INPP5A: variants seen among roughly 807,000 people sequenced by gnomAD.
INPP5A encodes 43 kDa inositol polyphosphate 5-phophatase.
Under a neutral mutation model 65.2 loss-of-function variants are expected in INPP5A, and 14 were observed. The ratio of observed to expected loss-of-function variants is 0.21; its 90% CI spans 0.14 to 0.34. The LOEUF (loss-of-function observed/expected upper bound fraction) is 0.34, where lower values mean the gene tolerates loss of function less well. Ranked by LOEUF, INPP5A falls within the 10% of genes least tolerant of loss-of-function variation. The pLI, the probability that INPP5A is intolerant of heterozygous loss-of-function variation, is 1.00. For missense variants in INPP5A, 431 were observed against 545.6 expected, an observed-to-expected ratio of 0.79 and a Z score of 2.09; for synonymous variants, 207 against 208.3, an observed-to-expected ratio of 0.99 and a Z score of 0.05.
rs1200349093 is a variant in INPP5A at position 132,626,436 on chromosome 10, G to A, written c.117+18480G>A. On this transcript the variant is annotated intron_variant, in intron 2 of 15. Transcript: ENST00000368594. ...CTGCCCAGGTGAGGTGCCTGGTCACGCCTGCAGCCAGTAGGTGGGAGTCCT... is the reference window on the plus strand; with the variant it reads ...CTGCCCAGGTGAGGTGCCTGGTCACACCTGCAGCCAGTAGGTGGGAGTCCT... Among the ~76,000 whole-genome samples, 14 of 152,188 alleles carry A rather than the reference G, an allele frequency of 9.2e-5. 1 individual carries two copies. The highest frequency in any genetic ancestry group is 9.2e-4 in the Admixed American group (14 of 15,276).
intron 4 of INPP5A, among the ~76,000 whole-genome samples, chr10:132,653,787 C>T (rs1381896556): frequency 6.6e-6 from 1 of 152,240 alleles, no homozygotes; most frequent in Non-Finnish European, 1.5e-5. Context: ...CCAAAATAGT[C>T]TGCACCCGCT....
At chr10:132,766,598 TGAGCATGAGTGA>T (rs1349591195) in intron 12 of INPP5A, among the ~76,000 whole-genome samples, 2 of 152,074 alleles carry the variant, frequency 1.3e-5, no homozygotes, top group Non-Finnish European at 2.9e-5. Flanking sequence ...GTTGCATATG[TGAGCATGAGTGA>T]GAGCATGAGT....
rs1311571244 is a variant in INPP5A at position 132,637,066 on chromosome 10, C to T, written c.118-8802C>T. 1.3e-5 allele frequency among the ~76,000 whole-genome samples: 2 copies of T among 152,122 alleles called. No homozygotes were observed. Among genetic ancestry groups the T allele is most frequent in the African/African-American group, 2.4e-5 (1 of 41,418 alleles). On this transcript the variant is annotated intron_variant, in intron 2 of 15. Transcript: ENST00000368594. The surrounding 1 kb of genome is among the most constrained non-coding windows in gnomAD (Gnocchi z 4.1). ...CCAAGTAGGTAGGACTACAAGCGTGCGCCACCAGGCCCAGCTAATTTTTGC... is the reference window on the plus strand; with the variant it reads ...CCAAGTAGGTAGGACTACAAGCGTGTGCCACCAGGCCCAGCTAATTTTTGC...
At chr10:132,731,363 G>A (rs1431052990) in intron 9 of INPP5A, among the ~76,000 whole-genome samples, 1 of 152,048 alleles carries the variant, frequency 6.6e-6, no homozygotes, top group African/African-American at 2.4e-5. Flanking sequence ...GCCCCTGGGA[G>A]TCACTGCGTC....
At chr10:132,568,378 C>T (rs1300305669) in intron 1 of INPP5A, among the ~76,000 whole-genome samples, 1 of 151,990 alleles carries the variant, frequency 6.6e-6, no homozygotes, top group Non-Finnish European at 1.5e-5. Context: ...CATGAGATAA[C>T]AGAATTATTA....
intron 8 of INPP5A, among the ~76,000 whole-genome samples, chr10:132,723,717 T>G (rs1293510833): frequency 1.3e-5 from 2 of 152,106 alleles, no homozygotes; most frequent in African/African-American, 4.8e-5. Context: ...TGGTATCTTG[T>G]GGTCTCGCCT....
At chr10:132,696,934 G>T (rs181723463) in intron 5 of INPP5A, among the ~76,000 whole-genome samples, 1 of 152,230 alleles carries the variant, frequency 6.6e-6, no homozygotes, top group South Asian at 2.1e-4. Context: ...ATGGTGCTGT[G>T]GTCCTCAGGT....
chr10:132,716,155 G>A (rs528321260), intron 8 of INPP5A, among the ~76,000 whole-genome samples: 5 of 152,320 alleles, frequency 3.3e-5, no homozygotes, highest in East Asian at 3.9e-4. Flanking sequence ...CACCCGCCAC[G>A]CACCCTGCAC....
Position 132,537,787 on chromosome 10 carries a change from A to G in INPP5A, c.-310A>G. On this transcript the variant is annotated 5_prime_UTR_variant, in exon 1 of 16. Transcript: ENST00000368594. ...CCCGGGCTCGGCTCCGCGGGGCGGG[A>G]CTTGCCCTCAGCCTGAGTCGGCGGC... 2.8e-6 allele frequency: 1 copy of G among 361,790 alleles called. No individual in the cohort carries two copies. Among genetic ancestry groups the G allele is most frequent in the Non-Finnish European group, 5.0e-6 (1 of 201,998 alleles). The allele number at this position is 361,790 out of a possible 1,614,324, so 22.4% of individuals were successfully genotyped here.
intron 2 of INPP5A, among the ~76,000 whole-genome samples, chr10:132,609,082 G>A (rs1408007018): frequency 6.6e-6 from 1 of 152,234 alleles, no homozygotes; most frequent in Non-Finnish European, 1.5e-5. Context: ...GTGTGCACGT[G>A]TGTGCGCATG....
rs2072034053 is a variant in INPP5A, at chr10:132,616,398, G to A, written c.117+8442G>A. Among the ~76,000 whole-genome samples the A allele has an allele frequency of 6.6e-6, 1 of 152,142 alleles. No individual in the cohort carries two copies. Among genetic ancestry groups the A allele is most frequent in the South Asian group, 2.1e-4 (1 of 4,826 alleles). ...CCGTGGGCGTGGTGTGAGGTATGTG[G>A]CGTGCGGGGACGCCGTGGGCGTGGT... On this transcript the variant is annotated intron_variant, in intron 2 of 15. Transcript: ENST00000368594. This position sits in a 1 kb window ranked among gnomAD's most constrained non-coding sequence, Gnocchi z 4.9.
At chr10:132,570,993 C>T (rs944576796) in intron 1 of INPP5A, among the ~76,000 whole-genome samples, 2 of 152,240 alleles carry the variant, frequency 1.3e-5, no homozygotes, top group African/African-American at 2.4e-5. Context: ...ACGAGGCACT[C>T]CCTCCCCACC....
intron 1 of INPP5A, among the ~76,000 whole-genome samples, chr10:132,588,210 A>G (rs776950515): frequency 6.6e-6 from 1 of 152,206 alleles, no homozygotes; most frequent in Non-Finnish European, 1.5e-5. Flanking sequence ...TTTCTGAATT[A>G]TCTCTCATCA....
At chr10:132,581,531 C>T (rs1422327442) in intron 1 of INPP5A, among the ~76,000 whole-genome samples, 2 of 152,176 alleles carry the variant, frequency 1.3e-5, no homozygotes, top group African/African-American at 4.8e-5. Context: ...CTTGACTGCT[C>T]CTCACCCTTC....
At chr10:132,781,332 G>C (rs1015419511) in intron 14 of INPP5A, among the ~76,000 whole-genome samples, 1 of 152,238 alleles carries the variant, frequency 6.6e-6, no homozygotes, top group Non-Finnish European at 1.5e-5. Context: ...TCCCCACCGT[G>C]TGCCAAGGGG....
At chr10:132,626,165 A>G (rs2072181388) in intron 2 of INPP5A, among the ~76,000 whole-genome samples, 1 of 152,116 alleles carries the variant, frequency 6.6e-6, no homozygotes, top group African/African-American at 2.4e-5. Context: ...CCGTGTTGTC[A>G]CACACTGTGG....
chr10:132,684,728 G>A (rs540804758), intron 4 of INPP5A, among the ~76,000 whole-genome samples: 3 of 152,370 alleles, frequency 2.0e-5, no homozygotes, highest in African/African-American at 7.2e-5. Context: ...AGGACGGAAC[G>A]TCAGGCTTGG....
intron 13 of INPP5A, among the ~76,000 whole-genome samples, chr10:132,778,132 G>T (rs1847095928): frequency 6.6e-6 from 1 of 152,166 alleles, no homozygotes; most frequent in African/African-American, 2.4e-5. Flanking sequence ...AGCGCTCATG[G>T]GCTGGGCCGT....
chr10:132,585,539 G>A (rs569175527), intron 1 of INPP5A, among the ~76,000 whole-genome samples: 3 of 152,268 alleles, frequency 2.0e-5, no homozygotes, highest in Non-Finnish European at 4.4e-5. Context: ...ACTAGCTGCC[G>A]TTACAGGCGT....
Sources: gnomAD v4.1 joint callset for allele counts (sites outside exome capture counted in the v4.1 genomes callset) on GRCh38, gnomAD v4.1.1 for gene constraint, Gnocchi (gnomAD v3.1) non-coding constraint, MANE v1.5 for transcripts, NCBI Gene and HGNC (gene_info 2026-07-23, HGNC 2026-07-21) for gene names.